The following RNFT2 variants were observed in gnomAD, a reference collection of about 807,000 sequenced individuals.
RNFT2 encodes the protein ring finger protein, transmembrane 2, also known as E3 ubiquitin-protein ligase RNFT2.
In RNFT2, 36 loss-of-function variants were observed where a neutral mutation model predicts 53.0. That is an observed-to-expected ratio of 0.68 (90% CI 0.52 to 0.90). The LOEUF is 0.90. RNFT2 is among the 40% of genes least tolerant of loss of function. The pLI, the probability that RNFT2 is intolerant of heterozygous loss-of-function variation, is 0.00. For synonymous variants in RNFT2, 260 were observed against 253.2 expected, an observed-to-expected ratio of 1.03 and a Z score of -0.26; for missense variants, 514 against 585.6, an observed-to-expected ratio of 0.88 and a Z score of 1.26.
intron 7 of RNFT2, among the ~76,000 whole-genome samples, chr12:116,799,579 G>GTT (rs35547030): frequency 7.9e-5 from 12 of 151,648 alleles, no homozygotes; most frequent in South Asian, 4.2e-4. Flanking sequence ...AGTTAGCTGT[G>GTT]TTTTTTTTTA....
At chr12:116,756,520 G>A (rs115900469) in intron 5 of RNFT2, among the ~76,000 whole-genome samples, 2,887 of 152,198 alleles carry the variant, frequency 0.019, 81 homozygotes, top group African/African-American at 0.064. Flanking sequence ...CCATTTTGCT[G>A]AGAGTTTTAA....
intron 7 of RNFT2, among the ~76,000 whole-genome samples, chr12:116,822,705 GAT>G (rs1876109976): frequency 6.6e-6 from 1 of 150,960 alleles, no homozygotes; most frequent in African/African-American, 2.5e-5. Flanking sequence ...GAAGAGGAGA[GAT>G]AGAAAGAGAA....
intron 2 of RNFT2, chr12:116,740,765 T>G: frequency 1.6e-6 from 1 of 624,944 alleles, no homozygotes; most frequent in Admixed American, 2.5e-5. Flanking sequence ...CTGCACAGTT[T>G]ACCGCGTTAT....
chr12:116,785,619 C>A (rs1288661891), intron 7 of RNFT2, among the ~76,000 whole-genome samples: 1 of 152,132 alleles, frequency 6.6e-6, no homozygotes, highest in Non-Finnish European at 1.5e-5. Flanking sequence ...TTTGGCCCAC[C>A]AGTGTATCTG....
In RNFT2 at chr12:116,830,497, A is replaced by G. The variant is rs1876584682; in HGVS notation, c.883-3295A>G. On this transcript the variant is annotated intron_variant, in intron 7 of 10. Coordinates refer to ENST00000257575, the MANE Select transcript of RNFT2 (RefSeq NM_001382266.1). ...GACACAAGATCTTGCTCTATTGCCCAGGCTGGTCTTGAACTCCTGGGCTCA... is the reference window on the plus strand; with the variant it reads ...GACACAAGATCTTGCTCTATTGCCCGGGCTGGTCTTGAACTCCTGGGCTCA... Among the ~76,000 whole-genome samples, 6 of 152,274 alleles carry G rather than the reference A, an allele frequency of 3.9e-5. 1 individual carries two copies. The South Asian group carries it at 1.2e-3, about 32-fold the overall frequency.
chr12:116,814,403 C>T (rs896169665), intron 7 of RNFT2, among the ~76,000 whole-genome samples: 4 of 151,986 alleles, frequency 2.6e-5, no homozygotes, highest in Admixed American at 2.6e-4. Context: ...GGGCGATGCT[C>T]TTTTAGACAG....
At chr12:116,815,881 G>A (rs1423879813) in intron 7 of RNFT2, among the ~76,000 whole-genome samples, 1 of 152,116 alleles carries the variant, frequency 6.6e-6, no homozygotes, top group African/African-American at 2.4e-5. Flanking sequence ...ATCCACACTT[G>A]AGGACCCTGT....
At chr12:116,804,285 T>C (rs1874942185) in intron 7 of RNFT2, among the ~76,000 whole-genome samples, 1 of 152,226 alleles carries the variant, frequency 6.6e-6, no homozygotes, top group Admixed American at 6.5e-5. Flanking sequence ...ACCTGGCAAC[T>C]TGTTAGAAAT....
At chr12:116,803,676 C>G (rs1592968271) in intron 7 of RNFT2, among the ~76,000 whole-genome samples, 1 of 152,152 alleles carries the variant, frequency 6.6e-6, no homozygotes, top group East Asian at 1.9e-4. Flanking sequence ...ATTTAGGGAT[C>G]GTGGCTTCTT....
chr12:116,788,058 G>T (rs1874019281), intron 7 of RNFT2, among the ~76,000 whole-genome samples: 1 of 152,190 alleles, frequency 6.6e-6, no homozygotes, highest in Non-Finnish European at 1.5e-5. Context: ...CTCCCGAGAA[G>T]CTGGGATTAC....
At chr12:116,747,588 A>G (rs1871958646) in intron 3 of RNFT2, among the ~76,000 whole-genome samples, 1 of 152,124 alleles carries the variant, frequency 6.6e-6, no homozygotes, top group Non-Finnish European at 1.5e-5. Flanking sequence ...AAACAGTGGA[A>G]AATTTCCACC....
chr12:116,803,888 C>T (rs1000893163), intron 7 of RNFT2, among the ~76,000 whole-genome samples: 1 of 152,214 alleles, frequency 6.6e-6, no homozygotes, highest in Non-Finnish European at 1.5e-5. Flanking sequence ...GGCAGTGGTG[C>T]AGAACACTTC....
chr12:116,852,501 C>T lies in RNFT2; in HGVS notation c.*3053C>T, dbSNP rs778002242. On this transcript the variant is annotated 3_prime_UTR_variant, in exon 11 of 11. Coordinates refer to ENST00000257575, the MANE Select transcript of RNFT2 (RefSeq NM_001382266.1). ...GGCCATGATGTTACAATCCCACTTG[C>T]CTGAATAATCAAGTGGGAAGGGGAA... The T allele has an allele frequency of 1.3e-6, 2 of 1,513,738 alleles. 1 individual carries two copies. The highest frequency in any genetic ancestry group is 1.8e-6 in the Non-Finnish European group (2 of 1,130,742). The allele number at this position is 1,513,738 out of a possible 1,614,324, so 93.8% of individuals were successfully genotyped here. A position where few individuals can be genotyped will look rare whatever the true frequency, so the allele number is the denominator to read the frequency against.
intron 10 of RNFT2, among the ~76,000 whole-genome samples, chr12:116,838,701 G>A (rs1310826499): frequency 6.6e-6 from 1 of 152,194 alleles, no homozygotes; most frequent in Non-Finnish European, 1.5e-5. Flanking sequence ...CTTGGTAGCA[G>A]GGACAATTTG....
At chr12:116,744,389 A>G (rs1871799418) in intron 3 of RNFT2, among the ~76,000 whole-genome samples, 1 of 152,222 alleles carries the variant, frequency 6.6e-6, no homozygotes, top group Admixed American at 6.5e-5. Flanking sequence ...TTGCGGGCAG[A>G]GAGCACAGCA....
intron 7 of RNFT2, among the ~76,000 whole-genome samples, chr12:116,819,211 T>C (rs937261835): frequency 6.6e-6 from 1 of 152,170 alleles, no homozygotes; most frequent in African/African-American, 2.4e-5. Context: ...CGGGGTGAAA[T>C]GTCCAAATAA....
At chr12:116,741,218 C>A in intron 3 of RNFT2, 124 bp downstream of exon 3, 1 of 727,382 alleles carries the variant, frequency 1.4e-6, no homozygotes, top group South Asian at 1.6e-5. Flanking sequence ...CTGATGGCCT[C>A]ATACTAAACA....
intron 6 of RNFT2, among the ~76,000 whole-genome samples, chr12:116,771,808 T>C (rs903126792): frequency 3.3e-5 from 5 of 152,164 alleles, no homozygotes; most frequent in African/African-American, 1.2e-4. Context: ...CCCCGACTTA[T>C]CATCAGCTTC....
At chr12:116,774,479 C>T (rs1193729257) in intron 6 of RNFT2, among the ~76,000 whole-genome samples, 1 of 152,154 alleles carries the variant, frequency 6.6e-6, no homozygotes, top group Non-Finnish European at 1.5e-5. Context: ...TAAGCGAATG[C>T]TAATCAGAAC....
Sources: allele counts gnomAD v4.1 joint callset (sites outside exome capture counted in the v4.1 genomes callset), GRCh38; gene constraint gnomAD v4.1.1; transcripts MANE v1.5; gene names NCBI Gene and HGNC (gene_info 2026-07-23, HGNC 2026-07-21).